Variants in FAT3 observed in about 807,000 individuals in gnomAD.
The protein encoded by FAT3 is FAT atypical cadherin 3, also known as protocadherin Fat 3.
In FAT3, 95 loss-of-function variants were observed where a neutral mutation model predicts 310.2. The ratio of observed to expected loss-of-function variants is 0.31; its 90% CI spans 0.26 to 0.36. The LOEUF (loss-of-function observed/expected upper bound fraction) is 0.36. Among genes scored for constraint, FAT3 ranks in the 10% least tolerant of loss-of-function variants. The pLI, the probability that FAT3 is intolerant of heterozygous loss-of-function variation, is 1.00. For missense variants in FAT3, 5,408 were observed against 5,715.6 expected (o/e 0.95, Z 1.74); for synonymous variants, 2,314 against 2,192.9 (o/e 1.06, Z -1.54).
At chr11:92,820,749 A>G (rs918789729) in intron 13 of FAT3, among the ~76,000 whole-genome samples, 9 of 152,214 alleles carry the variant, frequency 5.9e-5, no homozygotes, top group African/African-American at 1.7e-4. Flanking sequence ...TTCCTGATCC[A>G]TAGAAACCAT....
At chr11:92,738,527 C>T (rs1160026708) in intron 4 of FAT3, among the ~76,000 whole-genome samples, 4 of 152,326 alleles carry the variant, frequency 2.6e-5, no homozygotes, top group Admixed American at 1.3e-4. Flanking sequence ...CATCATCTCT[C>T]TCCCACAGTG....
chr11:92,303,539 T>C (rs1434475725), intron 1 of FAT3, among the ~76,000 whole-genome samples: 1 of 151,980 alleles, frequency 6.6e-6, no homozygotes, highest in African/African-American at 2.4e-5. Flanking sequence ...ATTTGAGGAG[T>C]CGAGTCCTGC....
At chr11:92,518,601 G>A (rs1953574271) in intron 2 of FAT3, among the ~76,000 whole-genome samples, 1 of 151,832 alleles carries the variant, frequency 6.6e-6, no homozygotes, top group African/African-American at 2.4e-5. Flanking sequence ...CATGGCACAT[G>A]TATACCTATG....
intron 3 of FAT3, among the ~76,000 whole-genome samples, chr11:92,550,952 T>C (rs750094043): frequency 2.0e-5 from 3 of 151,800 alleles, no homozygotes; most frequent in Non-Finnish European, 4.4e-5. Flanking sequence ...GAAGCCCTCT[T>C]CTTCTTGATT....
intron 1 of FAT3, among the ~76,000 whole-genome samples, chr11:92,267,724 T>C (rs2134325388): frequency 6.6e-6 from 1 of 152,294 alleles, no homozygotes; most frequent in Middle Eastern, 3.4e-3. Flanking sequence ...AAAAGAAATC[T>C]TTAATTCTGT....
chr11:92,405,777 C>T (rs117748755), intron 2 of FAT3, among the ~76,000 whole-genome samples: 1 of 152,168 alleles, frequency 6.6e-6, no homozygotes, highest in Non-Finnish European at 1.5e-5. Flanking sequence ...ATAAAAGATT[C>T]ATTCAACATT....
At chr11:92,254,081 A>G (rs1865224872) in intron 1 of FAT3, among the ~76,000 whole-genome samples, 1 of 152,168 alleles carries the variant, frequency 6.6e-6, no homozygotes, top group Admixed American at 6.6e-5. Context: ...AAGGAAAGGA[A>G]TCACCACACT....
rs560231844 is a variant in FAT3, at chr11:92,815,772, G to T, written c.9481+5696G>T. 2.0e-5 allele frequency among the ~76,000 whole-genome samples: 3 copies of T among 152,280 alleles called. No individual in the cohort carries two copies. In the South Asian group the frequency reaches 6.2e-4, roughly 32 times the overall value. On this transcript the variant is annotated intron_variant, in intron 13 of 27. Transcript: ENST00000525166. ...GACGGTCAACAGTACCACCTGGCATGGAGAGGAAGATGAAACATGGGGACA... is the reference window on the plus strand; with the variant it reads ...GACGGTCAACAGTACCACCTGGCATTGAGAGGAAGATGAAACATGGGGACA...
At chr11:92,566,409 A>G (rs978052018) in intron 3 of FAT3, among the ~76,000 whole-genome samples, 2 of 152,106 alleles carry the variant, frequency 1.3e-5, no homozygotes, top group Admixed American at 1.3e-4. Flanking sequence ...ATGGAAGAAC[A>G]TTCCATGCTC....
intron 1 of FAT3, among the ~76,000 whole-genome samples, chr11:92,257,953 T>C (rs567823832): frequency 1.3e-5 from 2 of 152,252 alleles, no homozygotes; most frequent in African/African-American, 4.8e-5. Context: ...ACATATGGAT[T>C]CCCCTATCTT....
At chr11:92,543,346 C>T (rs2135417172) in intron 3 of FAT3, among the ~76,000 whole-genome samples, 1 of 152,154 alleles carries the variant, frequency 6.6e-6, no homozygotes, top group South Asian at 2.1e-4. Context: ...GTTCTCACCA[C>T]ACAAAAAAGG....
intron 1 of FAT3, among the ~76,000 whole-genome samples, chr11:92,254,132 G>A (rs188065884): frequency 3.3e-5 from 5 of 152,228 alleles, no homozygotes; most frequent in East Asian, 1.9e-4. Context: ...TCATCCTCTC[G>A]TTCTTTCTCC....
At chr11:92,411,050 T>TATATATATAAATATATATA (rs58187959) in intron 2 of FAT3, among the ~76,000 whole-genome samples, 9,478 of 135,658 alleles carry the variant, frequency 0.07, 1,118 homozygotes, top group African/African-American at 0.25. Flanking sequence ...ATGTATATAA[T>TATATATATAAATATATATA]ATATATATAA....
intron 5 of FAT3, among the ~76,000 whole-genome samples, chr11:92,762,815 G>A (rs1402597352): frequency 6.6e-6 from 1 of 152,096 alleles, no homozygotes; most frequent in South Asian, 2.1e-4. Context: ...TAGCCAGGTA[G>A]TACCTATTCC....
intron 19 of FAT3, among the ~76,000 whole-genome samples, chr11:92,849,135 G>A (rs936012672): frequency 2.6e-5 from 4 of 152,124 alleles, no homozygotes; most frequent in Non-Finnish European, 5.9e-5. Context: ...ACTTGGAAAG[G>A]TCAATTGACT....
intron 4 of FAT3, among the ~76,000 whole-genome samples, chr11:92,706,954 G>T (rs1216072073): frequency 6.6e-6 from 1 of 152,138 alleles, no homozygotes; most frequent in African/African-American, 2.4e-5. Flanking sequence ...GGATCTTTGG[G>T]GTACCTCAAG....
intron 3 of FAT3, among the ~76,000 whole-genome samples, chr11:92,546,977 C>G (rs1004303661): frequency 6.6e-6 from 1 of 152,150 alleles, no homozygotes; most frequent in Non-Finnish European, 1.5e-5. Context: ...CCAGATGATC[C>G]TATTAGGTGA....
chr11:92,433,664 A>T (rs1950854546), intron 2 of FAT3, among the ~76,000 whole-genome samples: 1 of 152,092 alleles, frequency 6.6e-6, no homozygotes, highest in Non-Finnish European at 1.5e-5. Context: ...TGCAGACCAG[A>T]GCTGTTCTTA....
Position 92,487,649 on chromosome 11 carries a change from G to A in FAT3, c.3293-36985G>A, listed in dbSNP as rs181064762. Reference sequence around the variant, plus strand: ...GCAAAAGCATAAGGTTAAGTAACTTGCACAAAGTCGTACAATCTAGAAAAT... The same window carrying A: ...GCAAAAGCATAAGGTTAAGTAACTTACACAAAGTCGTACAATCTAGAAAAT... On this transcript the variant is annotated intron_variant, in intron 2 of 27. Transcript: ENST00000525166. Among the ~76,000 whole-genome samples the A allele has an allele frequency of 3.0e-4, 45 of 152,312 alleles. No homozygotes were observed. The East Asian group carries it at 7.0e-3, about 24-fold the overall frequency.
Sources: allele counts gnomAD v4.1 joint callset (sites outside exome capture counted in the v4.1 genomes callset), GRCh38; gene constraint gnomAD v4.1.1; transcripts MANE v1.5; gene names NCBI Gene and HGNC (gene_info 2026-07-23, HGNC 2026-07-21).